The following RALGPS1 variants were observed in gnomAD, a reference collection of about 807,000 sequenced individuals.
The protein encoded by RALGPS1 is ras-specific guanine nucleotide-releasing factor RalGPS1.
In RALGPS1, 19 loss-of-function variants were observed where a neutral mutation model predicts 78.8. That is an observed-to-expected ratio of 0.24 (90% CI 0.17 to 0.35). RALGPS1 has a LOEUF of 0.35. Ranked by LOEUF, RALGPS1 falls within the 10% of genes least tolerant of loss-of-function variation. RALGPS1 has a pLI of 1.00. For synonymous variants in RALGPS1, 228 were observed against 256.3 expected (o/e 0.89, Z 1.06); for missense variants, 454 against 688.3 (o/e 0.66, Z 3.81).
chr9:127,189,202 A>G (rs370059160), intron 11 of RALGPS1, among the ~76,000 whole-genome samples: 5 of 152,226 alleles, frequency 3.3e-5, no homozygotes, highest in South Asian at 4.1e-4. Flanking sequence ...GCAGGGAAAC[A>G]TGGCCATCCT....
chr9:126,966,627 A>G (rs151135836), intron 3 of RALGPS1, among the ~76,000 whole-genome samples: 307 of 151,716 alleles, frequency 2.0e-3, no homozygotes, highest in African/African-American at 6.9e-3. Context: ...GTCTGGATCT[A>G]TATAGCCAAA....
chr9:127,208,013 T>G (rs1477779219), intron 14 of RALGPS1, among the ~76,000 whole-genome samples: 2 of 152,244 alleles, frequency 1.3e-5, no homozygotes, highest in African/African-American at 4.8e-5. Flanking sequence ...TTCACCTCCT[T>G]GAGCCTCAGT....
At chr9:127,214,967 C>T (rs2062491654) in intron 18 of RALGPS1, 125 bp downstream of exon 18, 17 of 1,465,170 alleles carry the variant, frequency 1.2e-5, no homozygotes, top group Admixed American at 2.5e-5. Context: ...CAGATACCCT[C>T]TTCTGATCAG....
At chr9:127,078,938 G>A (rs2050926542) in intron 8 of RALGPS1, among the ~76,000 whole-genome samples, 1 of 152,072 alleles carries the variant, frequency 6.6e-6, no homozygotes, top group South Asian at 2.1e-4. Context: ...TTCCTCTGAG[G>A]GAGGCATTAT....
At chr9:127,147,036 T>C (rs1051958147) in intron 8 of RALGPS1, among the ~76,000 whole-genome samples, 1 of 152,190 alleles carries the variant, frequency 6.6e-6, no homozygotes, top group African/African-American at 2.4e-5. Context: ...CTGACCAGCA[T>C]CTGTTGATTT....
intron 8 of RALGPS1, among the ~76,000 whole-genome samples, chr9:127,134,006 T>C (rs1198688994): frequency 1.2e-4 from 17 of 145,540 alleles, no homozygotes; most frequent in Admixed American, 2.0e-4. Context: ...TTGTCCTCGC[T>C]CCCCCCCCCG....
In RALGPS1 at chr9:127,219,952, A is replaced by T. The variant is rs2131076927; in HGVS notation, c.*1183A>T. On this transcript the variant is annotated 3_prime_UTR_variant, in exon 19 of 19. Coordinates refer to ENST00000259351, the MANE Select transcript of RALGPS1 (RefSeq NM_014636.3). The surrounding 1 kb of genome is among the most constrained non-coding windows in gnomAD (Gnocchi z 5.0). ...CAATTGTTGATGACCGTGTGACAATAGAGCGAAGCCCCGGGGAGTGAACGG... is the reference window on the plus strand; with the variant it reads ...CAATTGTTGATGACCGTGTGACAATTGAGCGAAGCCCCGGGGAGTGAACGG... 6.5e-6 allele frequency: 1 copy of T among 152,832 alleles called. No homozygotes were observed. Among genetic ancestry groups the T allele is most frequent in the South Asian group, 2.1e-4 (1 of 4,830 alleles). The allele number at this position is 152,832 out of a possible 1,614,324, so 9.5% of individuals were successfully genotyped here.
At chr9:127,174,640 C>G (rs1012626221) in intron 10 of RALGPS1, 75 bp from the exon 11 acceptor site, 86 of 1,364,358 alleles carry the variant, frequency 6.3e-5, no homozygotes, top group Non-Finnish European at 8.6e-5. Flanking sequence ...ACTATAGTAG[C>G]TTTTCCCAGC....
Position 127,101,398 on chromosome 9 carries a change from T to C in RALGPS1, c.610+32042T>C, listed in dbSNP as rs147612528. On this transcript the variant is annotated intron_variant, in intron 8 of 18. Coordinates refer to ENST00000259351, the MANE Select transcript of RALGPS1 (RefSeq NM_014636.3). ...TTGGGGATCTGTGTCCCCATAAGACTGTGGGCTCCTTTCAGGCAGGAACCC... is the reference window on the plus strand; with the variant it reads ...TTGGGGATCTGTGTCCCCATAAGACCGTGGGCTCCTTTCAGGCAGGAACCC... Among the ~76,000 whole-genome samples the C allele has an allele frequency of 1.3e-3, 204 of 152,338 alleles. 2 individuals carry two copies. Among genetic ancestry groups the C allele is most frequent in the Non-Finnish European group, 2.5e-3 (170 of 68,032 alleles).
intron 8 of RALGPS1, among the ~76,000 whole-genome samples, chr9:127,112,648 T>C (rs1252537803): frequency 6.6e-6 from 1 of 152,258 alleles, no homozygotes; most frequent in African/African-American, 2.4e-5. Context: ...GAGTCTTTTC[T>C]GTGAAATGGG....
rs796890838 is a variant in RALGPS1, at chr9:127,103,466, C to T, written c.610+34110C>T. ...AAAGAAATCAGAACTTCACACTTAG[C>T]TATATGTTGAAAGACTTAGCTATAC... is the stretch of plus-strand genomic sequence containing the variant. On this transcript the variant is annotated intron_variant, in intron 8 of 18. Coordinates refer to ENST00000259351, the MANE Select transcript of RALGPS1 (RefSeq NM_014636.3). 3.9e-5 allele frequency among the ~76,000 whole-genome samples: 6 copies of T among 152,192 alleles called. No individual in the cohort carries two copies. In the South Asian group the frequency reaches 6.2e-4, roughly 16 times the overall value.
Position 127,091,627 on chromosome 9 carries a change from CTT to C in RALGPS1, c.610+22274_610+22275del. 6.3e-7 allele frequency: 1 copy of C among 1,592,370 alleles called. No homozygotes were observed. Among genetic ancestry groups the C allele is most frequent in the Non-Finnish European group, 8.6e-7 (1 of 1,167,796 alleles). ...CAGGGGCTCTGGCTCTGGTTGACCT[CTT>C]TTCCCTACCCTGCACCTGGGTTTGA... On this transcript the variant is annotated intron_variant, in intron 8 of 18. Transcript: ENST00000259351. The surrounding 1 kb of genome is among the most constrained non-coding windows in gnomAD (Gnocchi z 4.3).
At position 127,195,072 on chromosome 9, in the gene RALGPS1, C is replaced by G; in HGVS notation, c.911-19C>G. Reference sequence around the variant, plus strand: ...TCCCATCATAACCCCCGTTGTTGCTCTCTCTGCTCTGTTTGCAGGTCCCTC... The same window carrying G: ...TCCCATCATAACCCCCGTTGTTGCTGTCTCTGCTCTGTTTGCAGGTCCCTC... On this transcript the variant is annotated intron_variant, in intron 11 of 18. Transcript: ENST00000259351. 1 of 1,612,638 alleles carries G rather than the reference C, an allele frequency of 6.2e-7. No homozygotes were observed. The highest frequency in any genetic ancestry group is 8.5e-7 in the Non-Finnish European group (1 of 1,179,542).
chr9:126,948,242 G>T (rs543394526), intron 1 of RALGPS1, among the ~76,000 whole-genome samples: 1 of 152,148 alleles, frequency 6.6e-6, no homozygotes, highest in Non-Finnish European at 1.5e-5. Flanking sequence ...GAGGCTGGGC[G>T]CAGTGGCTCA....
At chr9:126,953,028 GC>G (rs2038009430) in intron 1 of RALGPS1, among the ~76,000 whole-genome samples, 3 of 152,130 alleles carry the variant, frequency 2.0e-5, no homozygotes, top group African/African-American at 7.2e-5. Flanking sequence ...ACCTCCTTAA[GC>G]TGGAAAAAGT....
chr9:127,195,134 C>T lies in RALGPS1; in HGVS notation c.954C>T (p.Pro318=), dbSNP rs769122840. 2.5e-6 allele frequency: 4 copies of T among 1,613,488 alleles called. No individual in the cohort carries two copies. The highest frequency in any genetic ancestry group is 3.4e-6 in the Non-Finnish European group (4 of 1,179,988). The part of the protein sequence containing the change: ...GSGSARFSRR[P]TCPDTSVAGS... ...GTTCTGCGAGGTTCAGCCGGAGGCC[C>T]ACCTGTCCTGACACATCTGTTGCTG... The change falls in exon 12 of 19, where the codon CCC becomes CCT. Residue 318 remains proline, a synonymous_variant. Coordinates refer to ENST00000259351, the MANE Select transcript of RALGPS1 (RefSeq NM_014636.3).
intron 1 of RALGPS1, among the ~76,000 whole-genome samples, chr9:126,939,465 G>T (rs771467583): frequency 6.6e-6 from 1 of 152,240 alleles, no homozygotes; most frequent in African/African-American, 2.4e-5. Context: ...GATGGCTTCA[G>T]TTAAGGAACT....
chr9:127,012,464 C>T (rs1207378380), intron 4 of RALGPS1, among the ~76,000 whole-genome samples: 1 of 152,216 alleles, frequency 6.6e-6, no homozygotes, highest in Non-Finnish European at 1.5e-5. Context: ...CCTGGAGCAC[C>T]CAGGGCTTGG....
intron 5 of RALGPS1, among the ~76,000 whole-genome samples, chr9:127,044,413 T>C (rs1331893901): frequency 6.6e-6 from 1 of 152,016 alleles, no homozygotes; most frequent in Non-Finnish European, 1.5e-5. Context: ...TACGCCACCA[T>C]ACCTGGCTAA....
Sources: gnomAD v4.1 joint callset for allele counts (sites outside exome capture counted in the v4.1 genomes callset) on GRCh38, gnomAD v4.1.1 for gene constraint, Gnocchi (gnomAD v3.1) non-coding constraint, MANE v1.5 for transcripts, NCBI Gene and HGNC (gene_info 2026-07-23, HGNC 2026-07-21) for gene names.